ATR: variants seen among roughly 807,000 people sequenced by gnomAD.
The protein encoded by ATR is serine/threonine-protein kinase ATR.
Under a neutral mutation model 305.3 loss-of-function variants are expected in ATR, and 142 were observed. That is an observed-to-expected ratio of 0.47 (90% confidence interval 0.41 to 0.53). The LOEUF is 0.53. ATR is among the 20% of genes least tolerant of loss of function. The pLI, the probability that ATR is intolerant of heterozygous loss-of-function variation, is 0.00. For synonymous variants in ATR, 1,050 were observed against 1,068.1 expected (o/e 0.98, Z 0.33); for missense variants, 2,135 against 3,133.1 (o/e 0.68, Z 7.60).
At chr3:142,507,876 TAAA>T in intron 28 of ATR, 52 bp downstream of exon 28, 2 of 1,469,334 alleles carry the variant, frequency 1.4e-6, no homozygotes, top group South Asian at 2.3e-5. Flanking sequence ...AACATAAACA[TAAA>T]AGACTGGCCA....
In ATR at chr3:142,553,969, T is replaced by A. The variant is rs1012580032; in HGVS notation, c.2388A>T (p.Arg796Ser). The change falls in exon 11 of 47, where the codon AGA (arginine) becomes AGT (serine). Residue 796 changes from arginine (R) to serine (S), a missense_variant. Physicochemically the swap from Arg to Ser is moderately radical, Grantham distance 110. Transcript: ENST00000350721. ...LHHLCKHLDFREDETDVKAVL... is the reference protein window; with the variant it reads ...LHHLCKHLDFSEDETDVKAVL... ...CTGCTTTTACATCTGTTTCATCTTC[T>A]CTAAAATCAAGATGCTTACAAAGAT... is the stretch of plus-strand genomic sequence containing the variant. 2.5e-6 allele frequency: 4 copies of A among 1,610,444 alleles called. No individual in the cohort carries two copies. Among genetic ancestry groups the A allele is most frequent in the African/African-American group, 2.7e-5 (2 of 74,756 alleles).
At chr3:142,521,060 G>A (rs993955883) in intron 23 of ATR, among the ~76,000 whole-genome samples, 3 of 152,118 alleles carry the variant, frequency 2.0e-5, no homozygotes, top group East Asian at 3.8e-4. Flanking sequence ...TTAGGAATTA[G>A]GCTAAATCTA....
chr3:142,546,771 A>G (rs1178466372), intron 16 of ATR, among the ~76,000 whole-genome samples: 1 of 152,182 alleles, frequency 6.6e-6, no homozygotes, highest in Non-Finnish European at 1.5e-5. Context: ...ATGATACTGA[A>G]AGGTTGAATA....
intron 16 of ATR, among the ~76,000 whole-genome samples, chr3:142,547,006 G>C (rs1347887426): frequency 6.6e-6 from 1 of 152,144 alleles, no homozygotes; most frequent in Non-Finnish European, 1.5e-5. Flanking sequence ...CATCACCAAA[G>C]TCTGATTTTT....
Position 142,542,762 on chromosome 3 carries a change from G to T in ATR, c.3358-5C>A. On this transcript the variant is annotated splice_polypyrimidine_tract_variant and splice_region_variant and intron_variant, in intron 16 of 46. Transcript: ENST00000350721. ...TTTGGGTTGTAAATAATCAGCCTAAGAAATAAAAACAGATAATATGTAAGC... is the reference window on the plus strand; with the variant it reads ...TTTGGGTTGTAAATAATCAGCCTAATAAATAAAAACAGATAATATGTAAGC... The T allele has an allele frequency of 6.2e-7, 1 of 1,602,244 alleles. No homozygotes were observed. The highest frequency in any genetic ancestry group is 1.1e-5 in the South Asian group (1 of 90,554).
chr3:142,573,423 C>T (rs1308096070), intron 1 of ATR, among the ~76,000 whole-genome samples: 2 of 134,346 alleles, frequency 1.5e-5, no homozygotes, highest in Non-Finnish European at 1.5e-5. Context: ...CACTGCACTC[C>T]AGCCTGGATG....
chr3:142,482,723 C>T (rs1034692485), intron 36 of ATR, among the ~76,000 whole-genome samples: 1 of 151,632 alleles, frequency 6.6e-6, no homozygotes, highest in African/African-American at 2.4e-5. Flanking sequence ...ATAGTCCTAA[C>T]TACTAAGGAG....
At chr3:142,490,723 A>G (rs889818185) in intron 35 of ATR, among the ~76,000 whole-genome samples, 5 of 152,100 alleles carry the variant, frequency 3.3e-5, no homozygotes, top group African/African-American at 1.2e-4. Flanking sequence ...TTTTCCTCAT[A>G]CAGATATCCA....
intron 29 of ATR, among the ~76,000 whole-genome samples, chr3:142,504,302 C>T (rs1421948443): frequency 1.3e-5 from 2 of 152,102 alleles, no homozygotes; most frequent in Non-Finnish European, 2.9e-5. Flanking sequence ...TATGGAGAAT[C>T]CCTAGTTCTA....
At position 142,549,530 on chromosome 3, in the gene ATR, C is replaced by G. The variant is rs28910272; in HGVS notation, c.3120G>C (p.Leu1040Phe). The change falls in exon 15 of 47, where the codon TTG becomes TTC. Residue 1040 changes from leucine to phenylalanine, a missense_variant. Around this residue, in one of 9 missense-constraint regions of ATR, gnomAD observed 530 missense variants for 766.8 expected, o/e 0.69. Transcript: ENST00000350721. Reference sequence around the variant, plus strand: ...ATTCATCTTTGGAACAAGAACAGACCAAATGAGAAAAAATATATTTGAAGT... The same window carrying G: ...ATTCATCTTTGGAACAAGAACAGACGAAATGAGAAAAAATATATTTGAAGT... ...INNFKYIFSH[L>F]VCSCSKDELE... is the part of the protein sequence containing the mutation. 7 of 1,610,196 alleles carry G rather than the reference C, an allele frequency of 4.3e-6. No homozygotes were observed. The African/African-American group carries it at 6.7e-5, about 15-fold the overall frequency.
intron 34 of ATR, among the ~76,000 whole-genome samples, chr3:142,495,627 C>T (rs1163857686): frequency 6.6e-6 from 1 of 152,008 alleles, no homozygotes; most frequent in African/African-American, 2.4e-5. Flanking sequence ...ACCCGTAGTC[C>T]CAGCTACTCA....
intron 44 of ATR, 26 bp downstream of exon 44, chr3:142,458,932 T>C: frequency 6.2e-7 from 1 of 1,610,138 alleles, no homozygotes; most frequent in Middle Eastern, 1.7e-4. Context: ...AAAACACAAT[T>C]AGTAAGAGTA....
intron 16 of ATR, among the ~76,000 whole-genome samples, chr3:142,544,621 C>CAA (rs71153972): frequency 0.036 from 2,992 of 83,556 alleles, 171 homozygotes; most frequent in African/African-American, 0.12. Context: ...AAGAAAGGAG[C>CAA]AAAAAAAAAA....
At chr3:142,509,917 A>T (rs2032462422) in intron 27 of ATR, among the ~76,000 whole-genome samples, 1 of 151,986 alleles carries the variant, frequency 6.6e-6, no homozygotes, top group Non-Finnish European at 1.5e-5. Flanking sequence ...GGAGTTTGGG[A>T]CCACCCTGGG....
chr3:142,524,520 A>T (rs965527963), intron 21 of ATR, among the ~76,000 whole-genome samples: 6 of 152,246 alleles, frequency 3.9e-5, no homozygotes, highest in African/African-American at 1.4e-4. Flanking sequence ...AGAGGAAAAC[A>T]GACAAATAAC....
rs2034205730 is a variant in ATR, at chr3:142,544,785, T to C, written c.3358-2028A>G. On this transcript the variant is annotated intron_variant, in intron 16 of 46. Transcript: ENST00000350721. ...TAGGAGGGTGTGTGCTACCATATAA[T>C]AGAGAGGAGTGAGGTATCCTACAAG... Among the ~76,000 whole-genome samples, 2 of 152,088 alleles carry C rather than the reference T, an allele frequency of 1.3e-5. 1 individual carries two copies. Among genetic ancestry groups the C allele is most frequent in the South Asian group, 4.2e-4 (2 of 4,814 alleles).
At chr3:142,461,792 A>G in intron 42 of ATR, 148 bp downstream of exon 42, 2 of 791,882 alleles carry the variant, frequency 2.5e-6, no homozygotes, top group Non-Finnish European at 3.9e-6. Context: ...AAGGGATGGA[A>G]ACACTTAAGT....
intron 45 of ATR, among the ~76,000 whole-genome samples, chr3:142,455,711 C>G (rs1322102765): frequency 6.6e-6 from 1 of 152,168 alleles, no homozygotes; most frequent in African/African-American, 2.4e-5. Context: ...TGGACCCCTA[C>G]CTTACACCAT....
intron 13 of ATR, among the ~76,000 whole-genome samples, chr3:142,551,907 T>C (rs1185583648): frequency 6.6e-6 from 1 of 152,060 alleles, no homozygotes; most frequent in Non-Finnish European, 1.5e-5. Context: ...GGAGAAAATG[T>C]TTGCAATCTA....
Sources: gnomAD v4.1 joint callset for allele counts (sites outside exome capture counted in the v4.1 genomes callset) on GRCh38, gnomAD v4.1.1 for gene constraint, gnomAD v4.1.1 regional missense constraint, MANE v1.5 for transcripts, NCBI Gene and HGNC (gene_info 2026-07-23, HGNC 2026-07-21) for gene names.